The following SPTB variants were observed in gnomAD, a reference collection of about 807,000 sequenced individuals.
SPTB encodes spectrin beta chain, erythrocytic.
Under a neutral mutation model 256.2 loss-of-function variants are expected in SPTB, and 45 were observed. The ratio of observed to expected loss-of-function variants is 0.18; its 90% CI spans 0.14 to 0.23. The LOEUF is 0.23. Ranked by LOEUF, SPTB falls within the 10% of genes least tolerant of loss-of-function variation. SPTB has a pLI of 1.00. For missense variants in SPTB, 2,715 were observed against 3,040.4 expected, an observed-to-expected ratio of 0.89 and a Z score of 2.52; for synonymous variants, 1,231 against 1,243.1, an observed-to-expected ratio of 0.99 and a Z score of 0.21.
chr14:64,823,410 G>A lies in SPTB; in HGVS notation c.-51-265C>T, dbSNP rs886914675. On this transcript the variant is annotated intron_variant, in intron 1 of 35. Transcript: ENST00000644917. This position sits in a 1 kb window ranked among gnomAD's most constrained non-coding sequence, Gnocchi z 6.5. ...GTCAGGACGGCCAGCAGGTGGAGAC[G>A]TCAGTCGCAGCCAGCTGCTTCCTCC... Among the ~76,000 whole-genome samples, 7 of 152,190 alleles carry A rather than the reference G, an allele frequency of 4.6e-5. No homozygotes were observed. The highest frequency in any genetic ancestry group is 1.9e-4 in the East Asian group (1 of 5,188).
At chr14:64,837,829 GACCTCTGGATC>G (rs371591181) in intron 1 of SPTB, among the ~76,000 whole-genome samples, 13,958 of 152,104 alleles carry the variant, frequency 0.092, 711 homozygotes, top group Admixed American at 0.13. Context: ...TCAAACTCCT[GACCTCTGGATC>G]ACCTCTGGTG....
intron 1 of SPTB, among the ~76,000 whole-genome samples, chr14:64,843,816 C>T (rs1243736381): frequency 1.3e-5 from 2 of 152,130 alleles, no homozygotes; most frequent in Admixed American, 1.3e-4. Flanking sequence ...AAGCATTAGC[C>T]CATGTGCCTT....
intron 8 of SPTB, 147 bp from the exon 9 acceptor site, chr14:64,800,081 C>T: frequency 6.2e-6 from 6 of 964,676 alleles, no homozygotes; most frequent in Non-Finnish European, 9.7e-6. Flanking sequence ...TTCCCTGAGC[C>T]CAAGTGTGCT....
rs2081918365 is a variant in SPTB, at chr14:64,749,934, C to T, written c.6776+47G>A. 6.2e-7 allele frequency: 1 copy of T among 1,613,426 alleles called. No individual in the cohort carries two copies. Among genetic ancestry groups the T allele is most frequent in the Non-Finnish European group, 8.5e-7 (1 of 1,179,554 alleles). On this transcript the variant is annotated intron_variant, in intron 34 of 35. Coordinates refer to ENST00000644917, the MANE Select transcript of SPTB (RefSeq NM_001355436.2). The surrounding 1 kb of genome is among the most constrained non-coding windows in gnomAD (Gnocchi z 4.7). Reference sequence around the variant, plus strand: ...AGGGCCTCTGCCCTGCCACTAATGCCAAATCAAGCCATCAACCCGAGCTTT... The same window carrying T: ...AGGGCCTCTGCCCTGCCACTAATGCTAAATCAAGCCATCAACCCGAGCTTT...
chr14:64,782,734 A>G (rs1016443532), intron 19 of SPTB, among the ~76,000 whole-genome samples, 181 bp from the exon 20 acceptor site: 1 of 151,552 alleles, frequency 6.6e-6, no homozygotes, highest in Admixed American at 6.6e-5. Flanking sequence ...GGGGTGTCCA[A>G]ACTTTTGGCT....
chr14:64,756,643 C>T (rs2082020603), intron 32 of SPTB: 1 of 152,226 alleles, frequency 6.6e-6, no homozygotes, highest in Non-Finnish European at 1.5e-5. Context: ...ACTACTTGGT[C>T]TCTTGGCCGA....
rs1382372918 is a variant in SPTB, at chr14:64,759,470, C to A, written c.6346-5677G>T. ...GGCAGGAGGACCCACCTCCCCTGAG[C>A]CTCAAGGCTAATAAGAGGGGATGAG... is the stretch of plus-strand genomic sequence containing the variant. On this transcript the variant is annotated intron_variant, in intron 32 of 35. Transcript: ENST00000644917. The surrounding 1 kb of genome is among the most constrained non-coding windows in gnomAD (Gnocchi z 4.8). 2.6e-5 allele frequency among the ~76,000 whole-genome samples: 4 copies of A among 152,288 alleles called. No individual in the cohort carries two copies. The East Asian group carries it at 7.7e-4, about 29-fold the overall frequency.
At position 64,769,174 on chromosome 14, in the gene SPTB, G is replaced by T. The variant is rs2082239644; in HGVS notation, c.5938-56C>A. 2.7e-6 allele frequency: 4 copies of T among 1,491,606 alleles called. No homozygotes were observed. The Admixed American group carries it at 6.7e-5, about 25-fold the overall frequency. The allele number at this position is 1,491,606 out of a possible 1,614,324, so 92.4% of individuals were successfully genotyped here. ...CTTGGCTCACCCTTCACCATCTGAGGCAGTGCGCAGATGGGTCCTGCAAAG... is the reference window on the plus strand; with the variant it reads ...CTTGGCTCACCCTTCACCATCTGAGTCAGTGCGCAGATGGGTCCTGCAAAG... On this transcript the variant is annotated intron_variant, in intron 28 of 35. Coordinates refer to ENST00000644917, the MANE Select transcript of SPTB (RefSeq NM_001355436.2).
intron 2 of SPTB, among the ~76,000 whole-genome samples, chr14:64,822,166 T>C (rs1297131423): frequency 6.7e-6 from 1 of 150,104 alleles, no homozygotes; most frequent in Non-Finnish European, 1.5e-5. Context: ...CACAACCCCA[T>C]GTAACTCAAA....
At chr14:64,879,641 C>A (rs1302735421) in intron 1 of SPTB, among the ~76,000 whole-genome samples, 151 bp downstream of exon 1, 1 of 152,180 alleles carries the variant, frequency 6.6e-6, no homozygotes, top group East Asian at 1.9e-4. Flanking sequence ...ACCCCACGCC[C>A]GACAACCGGG....
At chr14:64,797,677 T>C (rs1172590295) in intron 10 of SPTB, 52 bp downstream of exon 10, 7 of 1,341,518 alleles carry the variant, frequency 5.2e-6, no homozygotes, top group Non-Finnish European at 7.5e-6. Flanking sequence ...TGTGTCCTTA[T>C]CGGGAATTCA....
At chr14:64,875,497 T>G (rs1037051356) in intron 1 of SPTB, among the ~76,000 whole-genome samples, 1 of 152,206 alleles carries the variant, frequency 6.6e-6, no homozygotes, top group Non-Finnish European at 1.5e-5. Context: ...CCTCCTACGC[T>G]CTTCCTCAAT....
At chr14:64,791,895 G>A (rs370446345) in intron 14 of SPTB, 39 bp from the exon 15 acceptor site, 19 of 1,613,108 alleles carry the variant, frequency 1.2e-5, no homozygotes, top group Middle Eastern at 1.6e-4. Context: ...TGGGTGAGGC[G>A]GCAGCAGACA....
chr14:64,799,199 G>A (rs1056545670), intron 9 of SPTB, among the ~76,000 whole-genome samples: 10 of 152,224 alleles, frequency 6.6e-5, no homozygotes, highest in Non-Finnish European at 1.0e-4. Context: ...GTGTGTGCAC[G>A]GTTGTTTGCA....
rs1594785964 is a variant in SPTB at position 64,796,482 on chromosome 14, A to G, written c.1341+75T>C. ...GAGAGGCTGTGAGAAGCCAGCTTGG[A>G]CTCCAGCCCAGCCAAGAGCTGGGGG... On this transcript the variant is annotated intron_variant, in intron 11 of 35. Coordinates refer to ENST00000644917, the MANE Select transcript of SPTB (RefSeq NM_001355436.2). This position sits in a 1 kb window ranked among gnomAD's most constrained non-coding sequence, Gnocchi z 4.1. 2 of 1,603,410 alleles carry G rather than the reference A, an allele frequency of 1.2e-6. No homozygotes were observed. Among genetic ancestry groups the G allele is most frequent in the East Asian group, 4.5e-5 (2 of 44,790 alleles).
chr14:64,749,553 C>T lies in SPTB; in HGVS notation c.6820-80G>A. The T allele has an allele frequency of 4.4e-6, 7 of 1,602,854 alleles. No individual in the cohort carries two copies. The East Asian group carries it at 1.1e-4, about 26-fold the overall frequency. ...GGGCCAGGCAACAATGGTGGGGGCT[C>T]TTGGGACTGCCCCTTCTGAGGGGGC... On this transcript the variant is annotated intron_variant, in intron 35 of 35. Coordinates refer to ENST00000644917, the MANE Select transcript of SPTB (RefSeq NM_001355436.2). The surrounding 1 kb of genome is among the most constrained non-coding windows in gnomAD (Gnocchi z 4.7).
chr14:64,843,704 C>A (rs2083643529), intron 1 of SPTB, among the ~76,000 whole-genome samples: 1 of 152,162 alleles, frequency 6.6e-6, no homozygotes, highest in African/African-American at 2.4e-5. Flanking sequence ...AGGACCACGA[C>A]TGGGAGAGAA....
chr14:64,762,272 G>C (rs2082106302), intron 32 of SPTB, among the ~76,000 whole-genome samples: 1 of 152,230 alleles, frequency 6.6e-6, no homozygotes, highest in Non-Finnish European at 1.5e-5. Context: ...ATGTCTGAAA[G>C]AGTAGCAGGA....
At chr14:64,817,352 T>C (rs757028430) in intron 2 of SPTB, among the ~76,000 whole-genome samples, 2 of 152,254 alleles carry the variant, frequency 1.3e-5, no homozygotes, top group Non-Finnish European at 2.9e-5. Flanking sequence ...GACATTAAAA[T>C]GGTTGCTGAC....
Sources: gnomAD v4.1 joint callset for allele counts (sites outside exome capture counted in the v4.1 genomes callset) on GRCh38, gnomAD v4.1.1 for gene constraint, Gnocchi (gnomAD v3.1) non-coding constraint, MANE v1.5 for transcripts, NCBI Gene and HGNC (gene_info 2026-07-23, HGNC 2026-07-21) for gene names.